Variants in TRPM2 observed in about 807,000 individuals in gnomAD.
TRPM2 encodes estrogen-responsive element-associated gene 1 protein.
A neutral mutation model predicts 174.0 loss-of-function variants in TRPM2; 161 were observed. That is an observed-to-expected ratio of 0.93 (90% confidence interval 0.81 to 1.05). The LOEUF (loss-of-function observed/expected upper bound fraction) is 1.05, where lower values mean the gene tolerates loss of function less well. Among genes scored for constraint, TRPM2 ranks in the 50% least tolerant of loss-of-function variants. The pLI is 0.00. For missense variants in TRPM2, 2,057 were observed against 2,038.0 expected (o/e 1.01, Z -0.18); for synonymous variants, 954 against 861.3 (o/e 1.11, Z -1.88).
At chr21:44,392,941 G>A (rs1008531439) in intron 11 of TRPM2, among the ~76,000 whole-genome samples, 23 of 152,098 alleles carry the variant, frequency 1.5e-4, no homozygotes, top group African/African-American at 5.3e-4. Flanking sequence ...GTGATTCAAT[G>A]GGAGCCCTGC....
Position 44,391,556 on chromosome 21 carries a change from G to C in TRPM2, c.1725G>C (p.Pro575=). The C allele has an allele frequency of 6.3e-7, 1 of 1,597,660 alleles. No homozygotes were observed. The highest frequency in any genetic ancestry group is 1.3e-5 in the African/African-American group (1 of 74,892). The change falls in exon 11 of 32, where the codon CCG becomes CCC. Residue 575 remains proline, a synonymous_variant. Transcript: ENST00000397928. This position sits in a 1 kb window ranked among gnomAD's most constrained non-coding sequence, Gnocchi z 5.0. ...AGCTGCTGGGGGACTTCACGCAGCC[G>C]CTTTATCCCCGGCCCCGGCACAACG... The part of the protein sequence containing the change: ...LRELLGDFTQ[P]LYPRPRHNDR...
chr21:44,434,503 A>G (rs2003775), intron 27 of TRPM2, among the ~76,000 whole-genome samples: 127,925 of 152,010 alleles, frequency 0.84, 54,042 homozygotes, highest in East Asian at 0.95. Context: ...CGATAGCGGC[A>G]GTGCATTTCT....
chr21:44,406,682 AGC>A lies in TRPM2; in HGVS notation c.2882_2883del (p.Arg961ProfsTer46). ...AAGCAGGCCATCCTCATCCACAACG[AGC>A]GCCGGGTGGACTGGCTGTTCCGAGG... On this transcript the variant is annotated frameshift_variant, in exon 19 of 32. Transcript: ENST00000397928. LOFTEE classifies it high-confidence loss of function. 6.2e-7 allele frequency: 1 copy of A among 1,610,298 alleles called. No homozygotes were observed. Among genetic ancestry groups the A allele is most frequent in the South Asian group, 1.1e-5 (1 of 90,902 alleles).
intron 27 of TRPM2, among the ~76,000 whole-genome samples, chr21:44,428,823 C>T (rs2050926037): frequency 1.3e-5 from 2 of 150,894 alleles, no homozygotes; most frequent in Non-Finnish European, 2.9e-5. Flanking sequence ...TGAGGTGTGG[C>T]TCCTCCCCTT....
At chr21:44,395,822 G>C (rs369572639) in intron 12 of TRPM2, among the ~76,000 whole-genome samples, 1 of 6,772 alleles carries the variant, frequency 1.5e-4, no homozygotes, top group Admixed American at 9.9e-4. Flanking sequence ...TGTGGAGGCT[G>C]TGGAGGGGTG....
intron 2 of TRPM2, among the ~76,000 whole-genome samples, chr21:44,358,406 C>T (rs553792232): frequency 6.6e-6 from 1 of 152,248 alleles, no homozygotes; most frequent in East Asian, 1.9e-4. Context: ...GGAAGGAGCC[C>T]AGGTTGGAGA....
chr21:44,400,386 CGGGGCTGCGGGACTGT>C lies in TRPM2; in HGVS notation c.2321+27_2321+42del, dbSNP rs2049577693. On this transcript the variant is annotated intron_variant, in intron 15 of 31. Coordinates refer to ENST00000397928, the MANE Select transcript of TRPM2 (RefSeq NM_003307.4). The stretch of plus-strand genomic sequence containing the variant: ...ATCTCCTTCAGGTGCTGCAGGGCTG[CGGGGCTGCGGGACTGT>C]GGGGCTGCGGGGCTGCGGGAGAGGC... The C allele has an allele frequency of 1.9e-6, 3 of 1,602,740 alleles. No homozygotes were observed. The highest frequency in any genetic ancestry group is 1.7e-4 in the Middle Eastern group (1 of 6,016).
At chr21:44,360,787 G>A (rs1159309968) in intron 2 of TRPM2, among the ~76,000 whole-genome samples, 1 of 151,928 alleles carries the variant, frequency 6.6e-6, no homozygotes, top group Admixed American at 6.6e-5. Flanking sequence ...GGCTGGTCTC[G>A]GACTCGGGAC....
Position 44,375,855 on chromosome 21 carries a change from T to A in TRPM2, c.794T>A (p.Ile265Lys). 8 of 1,613,860 alleles carry A rather than the reference T, an allele frequency of 5.0e-6. No homozygotes were observed. Among genetic ancestry groups the A allele is most frequent in the Non-Finnish European group, 5.9e-6 (7 of 1,179,914 alleles). The stretch of plus-strand genomic sequence containing the variant: ...CAGGGCAGCTTCCCCGCCGAGTACA[T>A]ACTGGATGAGGATGGCCAAGGGAAC... ...HPTGSFPAEY[I>K]LDEDGQGNLT... Residue 265 changes from isoleucine to lysine, a missense_variant, in exon 6 of 32, where the codon ATA becomes AAA. Ile to Lys is a moderately radical substitution (Grantham distance 102). Transcript: ENST00000397928.
chr21:44,398,629 C>T (rs1284425806), intron 13 of TRPM2, among the ~76,000 whole-genome samples: 1 of 152,068 alleles, frequency 6.6e-6, no homozygotes, highest in Non-Finnish European at 1.5e-5. Context: ...TATTCATGAT[C>T]ACAGGGGTCG....
chr21:44,416,798 A>G, intron 20 of TRPM2: 1 of 175,252 alleles, frequency 5.7e-6, no homozygotes, highest in Non-Finnish European at 1.1e-5. Flanking sequence ...CACAGTGGGC[A>G]CGTGGGCATG....
At chr21:44,389,525 G>A (rs2049109740) in intron 9 of TRPM2, among the ~76,000 whole-genome samples, 2 of 152,186 alleles carry the variant, frequency 1.3e-5, no homozygotes, top group African/African-American at 2.4e-5. Context: ...CAGTGGATGA[G>A]CGTTACCCTA....
chr21:44,375,462 G>C (rs952301054), intron 5 of TRPM2, among the ~76,000 whole-genome samples: 1 of 152,172 alleles, frequency 6.6e-6, no homozygotes, highest in Non-Finnish European at 1.5e-5. Flanking sequence ...CGTGTCTGGA[G>C]GACAGAACTC....
rs200743509 is a variant in TRPM2 at position 44,435,246 on chromosome 21, C to T, written c.4061+29C>T. 1.9e-3 allele frequency: 2,972 copies of T among 1,602,902 alleles called. 4 individuals carry two copies. The highest frequency in any genetic ancestry group is 2.0e-3 in the Admixed American group (120 of 59,742). ...AGTTCATGTGTGCCGGGCACCAGCACCTCAGCAAGGCGGTCACCCCACCTT... is the reference window on the plus strand; with the variant it reads ...AGTTCATGTGTGCCGGGCACCAGCATCTCAGCAAGGCGGTCACCCCACCTT... On this transcript the variant is annotated intron_variant, in intron 28 of 31. Coordinates refer to ENST00000397928, the MANE Select transcript of TRPM2 (RefSeq NM_003307.4).
intron 2 of TRPM2, among the ~76,000 whole-genome samples, chr21:44,361,865 T>C (rs909159788): frequency 2.0e-5 from 3 of 152,184 alleles, no homozygotes; most frequent in African/African-American, 7.2e-5. Context: ...TGCACCACCA[T>C]GCCCGGTTAA....
intron 18 of TRPM2, 131 bp from the exon 19 acceptor site, chr21:44,406,463 C>T: frequency 1.7e-6 from 2 of 1,171,658 alleles, no homozygotes; most frequent in Non-Finnish European, 2.3e-6. Flanking sequence ...AGGACTGCTC[C>T]TGGGAGCCTC....
intron 21 of TRPM2, 101 bp from the exon 22 acceptor site, chr21:44,418,322 A>G (rs777459128): frequency 6.7e-6 from 10 of 1,501,804 alleles, no homozygotes; most frequent in Non-Finnish European, 9.0e-6. Flanking sequence ...CCTGCCACTC[A>G]GGACTGGCCC....
At chr21:44,417,903 G>A (rs1472835438) in intron 20 of TRPM2, 24 bp from the exon 21 acceptor site, 3 of 1,602,796 alleles carry the variant, frequency 1.9e-6, no homozygotes, top group East Asian at 2.2e-5. Flanking sequence ...TGACCTCGAG[G>A]TGTTGCTTTC....
At chr21:44,404,637 A>AGTGATGATAGTGACG (rs2049798826) in intron 16 of TRPM2, among the ~76,000 whole-genome samples, 1 of 152,196 alleles carries the variant, frequency 6.6e-6, no homozygotes, top group Non-Finnish European at 1.5e-5. Context: ...TGATAGTGAC[A>AGTGATGATAGTGACG]GTGATGATAG....
Sources: allele counts gnomAD v4.1 joint callset (sites outside exome capture counted in the v4.1 genomes callset), GRCh38; gene constraint gnomAD v4.1.1; non-coding constraint Gnocchi (gnomAD v3.1); transcripts MANE v1.5; gene names NCBI Gene and HGNC (gene_info 2026-07-23, HGNC 2026-07-21).